Variants in CSMD1 observed in about 807,000 individuals in gnomAD.
CSMD1 encodes the protein CUB and Sushi multiple domains 1, also known as CUB and sushi domain-containing protein 1.
CSMD1 carries 213 observed loss-of-function variants against 417.5 expected under a neutral mutation model. The observed-to-expected ratio is 0.51, with a 90% CI of 0.46 to 0.57. CSMD1 has a LOEUF of 0.57. CSMD1 is among the 20% of genes least tolerant of loss of function. The probability of loss-of-function intolerance (pLI) is 0.00; values close to 1 mark genes in which losing one functional copy is unlikely to be tolerated. For synonymous variants in CSMD1, 2,862 were observed against 1,736.8 expected, an observed-to-expected ratio of 1.65 and a Z score of -16.11; for missense variants, 6,923 against 4,529.7, an observed-to-expected ratio of 1.53 and a Z score of -15.17.
intron 46 of CSMD1, among the ~76,000 whole-genome samples, chr8:3,097,740 G>A (rs994894517): frequency 5.3e-5 from 8 of 152,116 alleles, no homozygotes; most frequent in Non-Finnish European, 1.5e-5. Flanking sequence ...TGAAATTGCA[G>A]AATGGAAAAC....
intron 2 of CSMD1, among the ~76,000 whole-genome samples, chr8:4,618,531 A>G (rs997232676): frequency 1.3e-5 from 2 of 151,696 alleles, no homozygotes; most frequent in African/African-American, 2.4e-5. Context: ...CTCTGTGTAC[A>G]TATTTATTTC....
intron 41 of CSMD1, among the ~76,000 whole-genome samples, chr8:3,137,229 TA>T (rs1420744861): frequency 2.3e-4 from 35 of 152,198 alleles, no homozygotes; most frequent in Admixed American, 1.0e-3. Context: ...TTTTATCCTT[TA>T]AAAGAGTTTT....
At chr8:3,501,828 G>A (rs142404321) in intron 10 of CSMD1, among the ~76,000 whole-genome samples, 15 of 152,266 alleles carry the variant, frequency 9.9e-5, no homozygotes, top group Non-Finnish European at 2.9e-5. Context: ...GTTTTCACCT[G>A]AGGTTGTAAG....
intron 1 of CSMD1, among the ~76,000 whole-genome samples, chr8:4,820,942 T>A (rs978710604): frequency 6.6e-6 from 1 of 152,186 alleles, no homozygotes; most frequent in Non-Finnish European, 1.5e-5. Flanking sequence ...CTTCCATCTT[T>A]CCTCAAGCTT....
intron 1 of CSMD1, among the ~76,000 whole-genome samples, chr8:4,918,359 G>C (rs1481663736): frequency 1.3e-5 from 2 of 152,154 alleles, no homozygotes; most frequent in African/African-American, 4.8e-5. Flanking sequence ...GGAAATCTCA[G>C]AGTGAAAGGT....
rs1563390127 is a variant in CSMD1 at position 3,439,150 on chromosome 8, AAAC to A, written c.1562-29548_1562-29546del. 9.1e-3 allele frequency among the ~76,000 whole-genome samples: 1,049 copies of A among 115,638 alleles called. 284 individuals are homozygous for A. The highest frequency in any genetic ancestry group is 0.013 in the Non-Finnish European group (736 of 58,860). 75.9% of individuals were successfully genotyped at this position (115,638 alleles called of 152,430 possible). On this transcript the variant is annotated intron_variant, in intron 12 of 69. Transcript: ENST00000635120. Reference sequence around the variant, plus strand: ...AAAAAAAAAAAAAAAAAAAAAAAAAAAACCAAGAAAAAAAAAAGAAAAAGAAAA... The same window carrying A: ...AAAAAAAAAAAAAAAAAAAAAAAAAACAAGAAAAAAAAAAGAAAAAGAAAA...
intron 1 of CSMD1, among the ~76,000 whole-genome samples, chr8:4,993,729 G>T (rs529312443): frequency 3.1e-4 from 47 of 152,312 alleles, no homozygotes; most frequent in Non-Finnish European, 5.9e-4. Flanking sequence ...CGGGGGAGAG[G>T]AAAGCGGGGG....
chr8:3,663,015 A>T (rs1262246477), intron 7 of CSMD1, among the ~76,000 whole-genome samples: 1 of 152,092 alleles, frequency 6.6e-6, no homozygotes, highest in Non-Finnish European at 1.5e-5. Flanking sequence ...TAAATAAATA[A>T]ATAAAGACTC....
At chr8:3,054,695 A>C (rs745710036) in intron 49 of CSMD1, among the ~76,000 whole-genome samples, 10 of 152,188 alleles carry the variant, frequency 6.6e-5, no homozygotes, top group Non-Finnish European at 1.0e-4. Flanking sequence ...CCATGTGCGC[A>C]CGTGTGTACG....
chr8:3,821,638 C>T (rs1328116740), intron 5 of CSMD1, among the ~76,000 whole-genome samples: 5 of 152,006 alleles, frequency 3.3e-5, no homozygotes, highest in Non-Finnish European at 5.9e-5. Context: ...AAAAATTAGC[C>T]GGGCATGGTG....
chr8:4,281,893 G>C (rs771448693), intron 3 of CSMD1, among the ~76,000 whole-genome samples: 3 of 152,168 alleles, frequency 2.0e-5, no homozygotes, highest in African/African-American at 7.2e-5. Flanking sequence ...CAAGGCAAAG[G>C]CTTATAAAGG....
chr8:3,180,333 C>G (rs1195867938), intron 37 of CSMD1, among the ~76,000 whole-genome samples: 1 of 152,150 alleles, frequency 6.6e-6, no homozygotes, highest in African/African-American at 2.4e-5. Context: ...AAATGAATAA[C>G]ACACAAATGC....
At chr8:4,629,393 G>A (rs970852473) in intron 2 of CSMD1, among the ~76,000 whole-genome samples, 1 of 152,132 alleles carries the variant, frequency 6.6e-6, no homozygotes, top group Non-Finnish European at 1.5e-5. Flanking sequence ...AACTTGGTTC[G>A]AATATACTTA....
At chr8:3,145,859 T>C (rs909757646) in intron 40 of CSMD1, among the ~76,000 whole-genome samples, 2 of 152,332 alleles carry the variant, frequency 1.3e-5, no homozygotes, top group South Asian at 2.1e-4. Context: ...TCTTATCCCA[T>C]TGGGATTACA....
chr8:4,779,832 G>T (rs960112231), intron 1 of CSMD1, among the ~76,000 whole-genome samples: 4 of 152,132 alleles, frequency 2.6e-5, no homozygotes, highest in Admixed American at 2.6e-4. Context: ...CTGCTAAGCA[G>T]CATCTTCCAC....
chr8:4,494,163 A>G (rs1385240847), intron 2 of CSMD1, among the ~76,000 whole-genome samples: 1 of 152,160 alleles, frequency 6.6e-6, no homozygotes, highest in African/African-American at 2.4e-5. Context: ...TGTTTCAAAA[A>G]CCAATATTCC....
intron 2 of CSMD1, among the ~76,000 whole-genome samples, chr8:4,569,679 A>C (rs1197922671): frequency 6.6e-5 from 10 of 152,186 alleles, no homozygotes; most frequent in African/African-American, 2.4e-4. Flanking sequence ...CTGTGAACAA[A>C]GTCAATGGTA....
chr8:2,965,962 A>T lies in CSMD1; in HGVS notation c.9101-8T>A, dbSNP rs1208079569. ...GATCCCCACAACTTATAACTAATAA[A>T]CAGGGAACAGGAAAGAATCAGAGAA... On this transcript the variant is annotated splice_polypyrimidine_tract_variant and splice_region_variant and intron_variant, in intron 58 of 69. Transcript: ENST00000635120. 1 of 1,592,812 alleles carries T rather than the reference A, an allele frequency of 6.3e-7. No individual in the cohort carries two copies. Among genetic ancestry groups the T allele is most frequent in the Admixed American group, 1.8e-5 (1 of 57,078 alleles).
chr8:4,746,371 G>C (rs1342644482), intron 1 of CSMD1, among the ~76,000 whole-genome samples: 8 of 152,184 alleles, frequency 5.3e-5, no homozygotes, highest in Non-Finnish European at 8.8e-5. Flanking sequence ...TTAAGCGTTA[G>C]TCCTTTTCAT....
Sources: allele counts gnomAD v4.1 joint callset (sites outside exome capture counted in the v4.1 genomes callset), GRCh38; gene constraint gnomAD v4.1.1; transcripts MANE v1.5; gene names NCBI Gene and HGNC (gene_info 2026-07-23, HGNC 2026-07-21).